The following CCDC171 variants were observed in gnomAD, a reference collection of about 807,000 sequenced individuals.
CCDC171 encodes the protein coiled-coil domain-containing protein 171.
A neutral mutation model predicts 168.2 loss-of-function variants in CCDC171; 177 were observed. The observed-to-expected ratio is 1.05, with a 90% CI of 0.93 to 1.19. The LOEUF (loss-of-function observed/expected upper bound fraction) is 1.19. CCDC171 is among the 50% of genes most tolerant of loss of function. CCDC171 has a pLI of 0.00. For synonymous variants in CCDC171, 687 were observed against 540.8 expected, an observed-to-expected ratio of 1.27 and a Z score of -3.75; for missense variants, 1,991 against 1,539.0, an observed-to-expected ratio of 1.29 and a Z score of -4.91.
chr9:15,652,513 C>G (rs1000065397), intron 7 of CCDC171, among the ~76,000 whole-genome samples: 2 of 151,912 alleles, frequency 1.3e-5, no homozygotes, highest in African/African-American at 2.4e-5. Flanking sequence ...TTACTGTAAC[C>G]TCTGCCTCCC....
chr9:15,690,794 A>T (rs1244495655), intron 10 of CCDC171, among the ~76,000 whole-genome samples: 1 of 152,186 alleles, frequency 6.6e-6, no homozygotes, highest in Non-Finnish European at 1.5e-5. Flanking sequence ...TTTATAAACC[A>T]CTAAGGAAGA....
intron 3 of CCDC171, among the ~76,000 whole-genome samples, chr9:15,992,114 G>C (rs904499679): frequency 6.6e-6 from 1 of 152,140 alleles, no homozygotes; most frequent in South Asian, 2.1e-4. Context: ...AAGCCTGGCA[G>C]AGACACAACA....
chr9:15,866,467 G>C (rs1398114013), intron 23 of CCDC171, among the ~76,000 whole-genome samples: 6 of 151,990 alleles, frequency 3.9e-5, no homozygotes, highest in Non-Finnish European at 8.8e-5. Flanking sequence ...AAAGAGGCAG[G>C]GGAGGATGAT....
chr9:15,840,673 C>T (rs1379740953), intron 21 of CCDC171, among the ~76,000 whole-genome samples: 2 of 152,154 alleles, frequency 1.3e-5, no homozygotes, highest in African/African-American at 4.8e-5. Context: ...TTACTGCTTA[C>T]ATGTCGTGTG....
chr9:15,640,593 G>C (rs375207344), intron 7 of CCDC171, among the ~76,000 whole-genome samples: 9 of 152,014 alleles, frequency 5.9e-5, no homozygotes, highest in Non-Finnish European at 1.0e-4. Context: ...AATACACTCT[G>C]TCATGTAGAA....
chr9:15,907,528 A>C (rs1418389409), intron 24 of CCDC171, among the ~76,000 whole-genome samples: 1 of 152,222 alleles, frequency 6.6e-6, no homozygotes, highest in Non-Finnish European at 1.5e-5. Flanking sequence ...TAAAGACTTA[A>C]ATGTTAGATT....
chr9:15,801,776 G>A (rs1588587291), intron 21 of CCDC171, among the ~76,000 whole-genome samples: 1 of 152,060 alleles, frequency 6.6e-6, no homozygotes. Flanking sequence ...CTTTTATTAT[G>A]TTGATGTATG....
intron 24 of CCDC171, among the ~76,000 whole-genome samples, chr9:15,897,722 G>C (rs1335134761): frequency 3.3e-5 from 5 of 152,206 alleles, no homozygotes; most frequent in South Asian, 2.1e-4. Context: ...AGAGAATATG[G>C]ATTCAATTGT....
At chr9:15,690,850 A>G (rs2050729785) in intron 10 of CCDC171, among the ~76,000 whole-genome samples, 1 of 152,156 alleles carries the variant, frequency 6.6e-6, no homozygotes, top group Non-Finnish European at 1.5e-5. Context: ...TGAACAGGCA[A>G]TGCACAGAAA....
At chr9:16,003,979 G>C (rs1832628923) in intron 3 of CCDC171, among the ~76,000 whole-genome samples, 2 of 152,196 alleles carry the variant, frequency 1.3e-5, no homozygotes, top group Admixed American at 6.5e-5. Flanking sequence ...GCACCCCACA[G>C]GGACTGCAGC....
In CCDC171 at chr9:15,553,084, G is replaced by T. The variant is rs73410254; in HGVS notation, c.-330G>T. 1 of 152,448 alleles carries T rather than the reference G, an allele frequency of 6.6e-6. No individual in the cohort carries two copies. The highest frequency in any genetic ancestry group is 1.5e-5 in the Non-Finnish European group (1 of 68,258). The allele number at this position is 152,448 out of a possible 1,614,324, so 9.4% of individuals were successfully genotyped here. A position where few individuals can be genotyped will look rare whatever the true frequency, so the allele number is the denominator to read the frequency against. ...CTGCGAGAGAAGCGGAGTGTTTTCA[G>T]CTCCGGAAGTGGCAGTTGTAAACTT... is the stretch of plus-strand genomic sequence containing the variant. On this transcript the variant is annotated 5_prime_UTR_variant, in exon 1 of 26. Coordinates refer to ENST00000380701, the MANE Select transcript of CCDC171 (RefSeq NM_173550.4).
At chr9:15,883,698 C>G (rs1014629905) in intron 24 of CCDC171, among the ~76,000 whole-genome samples, 1 of 152,164 alleles carries the variant, frequency 6.6e-6, no homozygotes, top group Admixed American at 6.5e-5. Flanking sequence ...CTTTGTACTC[C>G]TTAATTCAGC....
At chr9:15,935,775 T>A (rs1286898462) in intron 25 of CCDC171, among the ~76,000 whole-genome samples, 1 of 152,086 alleles carries the variant, frequency 6.6e-6, no homozygotes, top group Non-Finnish European at 1.5e-5. Flanking sequence ...TTTTAACTCA[T>A]CAGACTGTTG....
At chr9:15,682,704 T>A (rs1388814940) in intron 10 of CCDC171, among the ~76,000 whole-genome samples, 1 of 151,924 alleles carries the variant, frequency 6.6e-6, no homozygotes, top group East Asian at 1.9e-4. Context: ...ATTAGTAGGT[T>A]TTCAACATAG....
At chr9:15,965,224 A>G (rs1024663485) in intron 25 of CCDC171, among the ~76,000 whole-genome samples, 6 of 152,254 alleles carry the variant, frequency 3.9e-5, no homozygotes. Context: ...TTCAAATGTT[A>G]GACCACAATA....
chr9:15,948,889 T>A (rs967816009), intron 25 of CCDC171, among the ~76,000 whole-genome samples: 18 of 152,092 alleles, frequency 1.2e-4, no homozygotes, highest in African/African-American at 4.1e-4. Context: ...AGACATGAAG[T>A]CCTTGCCCAT....
chr9:16,068,341 A>G, the CCDC171 span, among the ~76,000 whole-genome samples: 6 of 152,274 alleles, frequency 3.9e-5, no homozygotes, highest in African/African-American at 9.6e-5. Context: ...TTCAATGCTC[A>G]TGGGTAGGAA....
downstream of CCDC171, among the ~76,000 whole-genome samples, chr9:16,065,814 G>T (rs1274513252): frequency 9.6e-6 from 1 of 104,616 alleles, no homozygotes; most frequent in Non-Finnish European, 2.0e-5. Context: ...TGCATGGTGT[G>T]TGTGTGTGTG....
Position 15,652,623 on chromosome 9 carries a change from T to A in CCDC171, c.823-4504T>A, listed in dbSNP as rs148021401. Among the ~76,000 whole-genome samples, 208 of 152,232 alleles carry A rather than the reference T, an allele frequency of 1.4e-3. 1 individual carries two copies. The highest frequency in any genetic ancestry group is 4.3e-3 in the African/African-American group (177 of 41,550). On this transcript the variant is annotated intron_variant, in intron 7 of 25. Transcript: ENST00000380701. ...TTTTTGTTTTTTGTTTTTGTTTTGA[T>A]AGAGACAGGGTTTTACTATGTTGCC...
Sources: allele counts gnomAD v4.1 joint callset (sites outside exome capture counted in the v4.1 genomes callset), GRCh38; gene constraint gnomAD v4.1.1; transcripts MANE v1.5; gene names NCBI Gene and HGNC (gene_info 2026-07-23, HGNC 2026-07-21).